PTPRO: variants seen among roughly 807,000 people sequenced by gnomAD.
PTPRO encodes receptor-type tyrosine-protein phosphatase O.
A neutral mutation model predicts 145.2 loss-of-function variants in PTPRO; 62 were observed. That is an observed-to-expected ratio of 0.43 (90% confidence interval 0.35 to 0.53). PTPRO has a LOEUF of 0.53. Among genes scored for constraint, PTPRO ranks in the 20% least tolerant of loss-of-function variants. PTPRO has a pLI of 0.01. For synonymous variants in PTPRO, 565 were observed against 514.7 expected (o/e 1.10, Z -1.32); for missense variants, 1,345 against 1,482.7 (o/e 0.91, Z 1.53).
At chr12:15,405,269 A>G (rs1435683381) in intron 1 of PTPRO, among the ~76,000 whole-genome samples, 1 of 152,214 alleles carries the variant, frequency 6.6e-6, no homozygotes, top group African/African-American at 2.4e-5. Context: ...ATATCATCTA[A>G]CAAAAGGGAT....
intron 19 of PTPRO, among the ~76,000 whole-genome samples, chr12:15,577,481 G>T (rs1386788447): frequency 6.6e-6 from 1 of 152,200 alleles, no homozygotes; most frequent in Non-Finnish European, 1.5e-5. Context: ...CTAGAACGTG[G>T]TCAAGTGGCT....
chr12:15,413,913 A>G (rs1333145400), intron 1 of PTPRO, among the ~76,000 whole-genome samples: 1 of 152,232 alleles, frequency 6.6e-6, no homozygotes, highest in Non-Finnish European at 1.5e-5. Context: ...AGCTAAAAAA[A>G]ACAAGTTTTA....
intron 2 of PTPRO, among the ~76,000 whole-genome samples, chr12:15,487,229 A>G (rs189559274): frequency 1.3e-5 from 2 of 151,616 alleles, no homozygotes; most frequent in Non-Finnish European, 2.9e-5. Flanking sequence ...TGACATTTTT[A>G]CCCCTCAAAC....
In PTPRO at chr12:15,553,111, G is replaced by A. The variant is rs114470835; in HGVS notation, c.2558+1440G>A. On this transcript the variant is annotated intron_variant, in intron 15 of 26. Coordinates refer to ENST00000281171, the MANE Select transcript of PTPRO (RefSeq NM_030667.3). ...CACCATGCTCGGCCTCCTTGAGATC[G>A]AATCTTGACTTCCAACTTGCGTGAA... Among the ~76,000 whole-genome samples, 751 of 151,974 alleles carry A rather than the reference G, an allele frequency of 4.9e-3. 6 individuals are homozygous for A. Among genetic ancestry groups the A allele is most frequent in the African/African-American group, 0.017 (723 of 41,472 alleles).
At chr12:15,570,592 T>C (rs953675594) in intron 19 of PTPRO, among the ~76,000 whole-genome samples, 1 of 152,138 alleles carries the variant, frequency 6.6e-6, no homozygotes, top group Non-Finnish European at 1.5e-5. Flanking sequence ...TGTATCCAGG[T>C]GCATAGGATA....
chr12:15,455,762 A>G (rs924266982), intron 1 of PTPRO, among the ~76,000 whole-genome samples: 35 of 152,112 alleles, frequency 2.3e-4, no homozygotes, highest in Non-Finnish European at 5.0e-4. Flanking sequence ...TTTGGTGGAA[A>G]CTTCAGGGTT....
intron 23 of PTPRO, among the ~76,000 whole-genome samples, chr12:15,584,437 A>G (rs565265771): frequency 9.9e-5 from 15 of 152,228 alleles, no homozygotes; most frequent in Non-Finnish European, 2.1e-4. Context: ...GGTCTGTTCC[A>G]TTGCCTATTC....
At chr12:15,423,175 C>A (rs1940193544) in intron 1 of PTPRO, among the ~76,000 whole-genome samples, 1 of 152,130 alleles carries the variant, frequency 6.6e-6, no homozygotes, top group African/African-American at 2.4e-5. Flanking sequence ...GAGCCCTGAC[C>A]TACTTCTCAC....
chr12:15,523,994 T>C (rs1360746400), intron 10 of PTPRO, among the ~76,000 whole-genome samples: 1 of 151,688 alleles, frequency 6.6e-6, no homozygotes, highest in Non-Finnish European at 1.5e-5. Context: ...AGATGGGGTT[T>C]TGCTATGTTG....
intron 15 of PTPRO, 152 bp downstream of exon 15, chr12:15,551,823 C>G: frequency 1.2e-6 from 1 of 823,248 alleles, no homozygotes; most frequent in Non-Finnish European, 1.9e-6. Flanking sequence ...TCTAAATAGA[C>G]TTCGAAACAT....
intron 10 of PTPRO, among the ~76,000 whole-genome samples, chr12:15,522,802 A>C (rs891428436): frequency 6.6e-6 from 1 of 152,232 alleles, no homozygotes; most frequent in East Asian, 1.9e-4. Context: ...GCAATATGCT[A>C]GGTTTTAAAG....
Position 15,546,701 on chromosome 12 carries a change from A to G in PTPRO, c.2297A>G (p.Lys766Arg). ...CQQVGSSQKT[K>R]LQEPVAVSSH... ...CAAGTTGGCTCCAGTCAGAAAACCA[A>G]ACTTCAGGTACTGTACCTTTTGATC... The change falls in exon 13 of 27, where the codon AAA becomes AGA. Residue 766 changes from lysine (K) to arginine (R), a missense_variant. Lys to Arg is a conservative substitution (Grantham distance 26). Coordinates refer to ENST00000281171, the MANE Select transcript of PTPRO (RefSeq NM_030667.3). The G allele has an allele frequency of 6.2e-7, 1 of 1,614,016 alleles. No homozygotes were observed. Among genetic ancestry groups the G allele is most frequent in the Non-Finnish European group, 8.5e-7 (1 of 1,179,936 alleles).
At chr12:15,520,067 A>T (rs1412241708) in intron 9 of PTPRO, 134 bp from the exon 10 acceptor site, 8 of 605,864 alleles carry the variant, frequency 1.3e-5, no homozygotes, top group Non-Finnish European at 2.1e-5. Flanking sequence ...TATTATAGTA[A>T]ATTTAGGAAA....
intron 1 of PTPRO, among the ~76,000 whole-genome samples, chr12:15,450,066 G>A (rs1941005306): frequency 6.6e-6 from 1 of 152,038 alleles, no homozygotes; most frequent in South Asian, 2.1e-4. Context: ...TTCTTGTCAT[G>A]CTCTCTATGT....
chr12:15,462,644 T>C (rs1359168128), intron 1 of PTPRO, among the ~76,000 whole-genome samples: 5 of 152,236 alleles, frequency 3.3e-5, no homozygotes, highest in East Asian at 3.8e-4. Flanking sequence ...ATTGCCTATA[T>C]GAATTCTTGT....
chr12:15,587,552 C>T (rs779651563), intron 24 of PTPRO, among the ~76,000 whole-genome samples: 2 of 152,144 alleles, frequency 1.3e-5, no homozygotes, highest in African/African-American at 4.8e-5. Context: ...GGAAGATAAA[C>T]ATATTTGCTA....
intron 1 of PTPRO, among the ~76,000 whole-genome samples, chr12:15,330,149 G>A (rs962442287): frequency 9.2e-5 from 14 of 152,190 alleles, no homozygotes; most frequent in African/African-American, 2.2e-4. Context: ...CAGATAGAGC[G>A]CTTTGCCTGC....
chr12:15,458,302 T>C (rs926359910), intron 1 of PTPRO, among the ~76,000 whole-genome samples: 3 of 152,180 alleles, frequency 2.0e-5, no homozygotes, highest in South Asian at 2.1e-4. Context: ...TCTTTGGTTT[T>C]TGACAATTTG....
intron 1 of PTPRO, among the ~76,000 whole-genome samples, chr12:15,474,215 G>A (rs1231719679): frequency 6.6e-6 from 1 of 152,214 alleles, no homozygotes; most frequent in Non-Finnish European, 1.5e-5. Context: ...TTCAGTGATG[G>A]TGGGAGCTTT....
Sources: gnomAD v4.1 joint callset for allele counts (sites outside exome capture counted in the v4.1 genomes callset) on GRCh38, gnomAD v4.1.1 for gene constraint, MANE v1.5 for transcripts, NCBI Gene and HGNC (gene_info 2026-07-23, HGNC 2026-07-21) for gene names.